Variants in CHCHD5 observed in about 807,000 individuals in gnomAD.
CHCHD5 encodes coiled-coil-helix-coiled-coil-helix domain-containing protein 5.
CHCHD5 carries 10 observed loss-of-function variants against 16.0 expected under a neutral mutation model. That is an observed-to-expected ratio of 0.63 (90% CI 0.39 to 1.06). The LOEUF is 1.06. CHCHD5 is among the 50% of genes least tolerant of loss of function. CHCHD5 has a pLI of 0.01. For missense variants in CHCHD5, 163 were observed against 153.4 expected (o/e 1.06, Z -0.33); for synonymous variants, 55 against 56.3 (o/e 0.98, Z 0.10).
At chr2:112,586,751 C>T (rs749656240) in intron 3 of CHCHD5, 40 of 706,598 alleles carry the variant, frequency 5.7e-5, no homozygotes, top group Non-Finnish European at 8.5e-5. Flanking sequence ...GCTGGGTTCT[C>T]TGTGTTCTTC....
At chr2:112,584,774 C>A in intron 1 of CHCHD5, 125 bp downstream of exon 1, 2 of 1,180,026 alleles carry the variant, frequency 1.7e-6, no homozygotes, top group Non-Finnish European at 1.2e-6. Flanking sequence ...ATCTGACCCT[C>A]AGGATTCAGC....
chr2:112,584,845 C>A, intron 1 of CHCHD5, 196 bp downstream of exon 1: 1 of 628,998 alleles, frequency 1.6e-6, no homozygotes, highest in Non-Finnish European at 2.8e-6. Context: ...AGCGTTTAGG[C>A]CTCGCCCCCT....
At chr2:112,587,916 A>G (rs1050364683) in intron 3 of CHCHD5, 1 of 152,286 alleles carries the variant, frequency 6.6e-6, no homozygotes, top group South Asian at 2.1e-4. Context: ...TGGACCAGCA[A>G]CCAGCCTCTC....
At chr2:112,584,559 C>CAGGCT, upstream of CHCHD5, 1 of 1,574,120 alleles carries the variant, frequency 6.4e-7, no homozygotes. Context: ...CGGAAAAAAC[C>CAGGCT]AGGCTGGGCT....
chr2:112,584,929 C>T (rs1685162225), intron 1 of CHCHD5: 3 of 550,720 alleles, frequency 5.4e-6, no homozygotes, highest in Admixed American at 6.1e-5. Context: ...GTCCGGCCTT[C>T]ACACTGAAAT....
intron 3 of CHCHD5, chr2:112,587,419 AC>A (rs1685255979): frequency 6.6e-6 from 1 of 152,254 alleles, no homozygotes; most frequent in South Asian, 2.1e-4. Context: ...ACTCAAGTGC[AC>A]GTCTCCGCTG....
In CHCHD5 at chr2:112,588,964, G is replaced by C. The variant is rs1685305298; in HGVS notation, c.*75G>C. The stretch of plus-strand genomic sequence containing the variant: ...CCCTCCCCTGCAGAGTGGCCAGATG[G>C]AGTCCTGAGCCCTGGACATGGGCCC... On this transcript the variant is annotated 3_prime_UTR_variant, in exon 4 of 4. Transcript: ENST00000324913. 1 of 1,130,678 alleles carries C rather than the reference G, an allele frequency of 8.8e-7. No homozygotes were observed. The highest frequency in any genetic ancestry group is 1.8e-5 in the Admixed American group (1 of 57,070). 70.0% of individuals were successfully genotyped at this position (1,130,678 alleles called of 1,614,324 possible).
chr2:112,586,171 C>T, intron 2 of CHCHD5, 29 bp from the exon 3 acceptor site: 2 of 1,609,812 alleles, frequency 1.2e-6, no homozygotes, highest in Middle Eastern at 3.3e-4. Flanking sequence ...TGGGAATCTC[C>T]CAGGGGCTGA....
At chr2:112,587,949 C>T (rs908917201) in intron 3 of CHCHD5, 21 of 152,424 alleles carry the variant, frequency 1.4e-4, no homozygotes, top group African/African-American at 5.1e-4. Flanking sequence ...GTGGCCACCC[C>T]TGCCCTGACA....
intron 3 of CHCHD5, 54 bp from the exon 4 acceptor site, chr2:112,588,812 C>A (rs1685298360): frequency 3.4e-6 from 5 of 1,483,474 alleles, no homozygotes; most frequent in Non-Finnish European, 3.8e-6. Flanking sequence ...ACATAGGCTC[C>A]CCAGGCTGGG....
Position 112,586,225 on chromosome 2 carries a change from GC to G in CHCHD5, c.171del (p.Cys58ValfsTer66). Reference sequence around the variant, plus strand: ...CCCAATCATCCGCCAGATCCGCCAGGCCTGTGCTCAGCCTTTTGAGGCCTTC... The same window carrying G: ...CCCAATCATCCGCCAGATCCGCCAGGCTGTGCTCAGCCTTTTGAGGCCTTC... ...SHPIIRQIRQ[A>X]CAQPFEAFEE... On this transcript the variant is annotated frameshift_variant, in exon 3 of 4. Transcript: ENST00000324913. LOFTEE classifies it high-confidence loss of function. The G allele has an allele frequency of 1.9e-6, 3 of 1,612,466 alleles. No homozygotes were observed. The highest frequency in any genetic ancestry group is 2.5e-6 in the Non-Finnish European group (3 of 1,178,522).
At chr2:112,588,006 AG>A (rs1367220165) in intron 3 of CHCHD5, 1 of 152,406 alleles carries the variant, frequency 6.6e-6, no homozygotes, top group Non-Finnish European at 1.5e-5. Context: ...AATGGGAATT[AG>A]GGCCGGGTGC....
At chr2:112,587,280 A>C (rs557108627) in intron 3 of CHCHD5, 1 of 151,736 alleles carries the variant, frequency 6.6e-6, no homozygotes. Context: ...TCTCAATTCC[A>C]CCAGCCCAAG....
chr2:112,584,790 C>G, intron 1 of CHCHD5, 141 bp downstream of exon 1: 17 of 998,724 alleles, frequency 1.7e-5, no homozygotes, highest in Non-Finnish European at 2.4e-5. Context: ...TCAGCGCCTT[C>G]GCTCACGAGC....
chr2:112,585,522 C>A (rs768069), intron 1 of CHCHD5, among the ~76,000 whole-genome samples: 120,656 of 152,072 alleles, frequency 0.79, 48,085 homozygotes, highest in Middle Eastern at 0.88. Flanking sequence ...CCTCACCTCT[C>A]CACTTCTTTG....
intron 3 of CHCHD5, chr2:112,586,651 A>T (rs1685236576): frequency 7.0e-7 from 1 of 1,431,190 alleles, no homozygotes; most frequent in Non-Finnish European, 9.2e-7. Context: ...CTGGGTGAGC[A>T]TGTAAGGACT....
In CHCHD5 at chr2:112,589,015, A is replaced by G. The variant is rs1175124272; in HGVS notation, c.*126A>G. 1.9e-5 allele frequency: 13 copies of G among 698,516 alleles called. No individual in the cohort carries two copies. The highest frequency in any genetic ancestry group is 2.8e-5 in the Non-Finnish European group (11 of 392,872). 43.3% of individuals were successfully genotyped at this position (698,516 alleles called of 1,614,324 possible). The stretch of plus-strand genomic sequence containing the variant: ...GGCTTTCCTGGATATCAGGACTTCC[A>G]ATAAATAAAGACTCTGTATACTGGG... On this transcript the variant is annotated 3_prime_UTR_variant, in exon 4 of 4. Transcript: ENST00000324913.
rs750792036 is a variant in CHCHD5 at position 112,586,194 on chromosome 2, C to T, written c.144-6C>T. The T allele has an allele frequency of 6.2e-7, 1 of 1,609,416 alleles. No homozygotes were observed. Among genetic ancestry groups the T allele is most frequent in the East Asian group, 2.2e-5 (1 of 44,726 alleles). ...TCCCAGGGGCTGAACTGCCCTACCC[C>T]CACAGCCCAATCATCCGCCAGATCC... On this transcript the variant is annotated splice_polypyrimidine_tract_variant and splice_region_variant and intron_variant, in intron 2 of 3. Transcript: ENST00000324913.
upstream of CHCHD5, chr2:112,584,561 G>A (rs1049490859): frequency 1.9e-5 from 30 of 1,582,420 alleles, no homozygotes; most frequent in African/African-American, 2.7e-5. Context: ...GAAAAAACCA[G>A]GCTGGGCTGG....
Sources: gnomAD v4.1 joint callset for allele counts (sites outside exome capture counted in the v4.1 genomes callset) on GRCh38, gnomAD v4.1.1 for gene constraint, MANE v1.5 for transcripts, NCBI Gene and HGNC (gene_info 2026-07-23, HGNC 2026-07-21) for gene names.